KLHL13: variants seen among roughly 807,000 people sequenced by gnomAD.
The protein encoded by KLHL13 is kelch-like protein 13.
A neutral mutation model predicts 37.1 loss-of-function variants in KLHL13; 10 were observed. That is an observed-to-expected ratio of 0.27 (90% CI 0.17 to 0.46). The LOEUF (loss-of-function observed/expected upper bound fraction) is 0.46. Among genes scored for constraint, KLHL13 ranks in the 20% least tolerant of loss-of-function variants. The pLI, the probability that KLHL13 is intolerant of heterozygous loss-of-function variation, is 1.00. For synonymous variants in KLHL13, 163 were observed against 181.2 expected (o/e 0.90, Z 0.81); for missense variants, 360 against 509.3 (o/e 0.71, Z 2.82).
intron 1 of KLHL13, among the ~76,000 whole-genome samples, chrX:117,992,234 T>TAAAAAAAAAAAAAAAAAAAA (rs773486522): frequency 1.2e-5 from 1 of 84,007 alleles, no homozygotes; most frequent in African/African-American, 4.6e-5. Context: ...AACTGAGATG[T>TAAAAAAAAAAAAAAAAAAAA]AAAAAAAAAA....
chrX:118,100,853 A>T lies in KLHL13; in HGVS notation c.-56+15655T>A, dbSNP rs1363532541. Among the ~76,000 whole-genome samples the T allele has an allele frequency of 2.7e-5, 3 of 111,757 alleles. No individual in the cohort carries two copies. The South Asian group carries it at 1.1e-3, about 42-fold the overall frequency. On this transcript the variant is annotated intron_variant, in intron 1 of 6. Transcript: ENST00000371882. ...ATATCAAAATCCTACCCAGTGACCA[A>T]GGCTCACTGCAAAGCCAAGATCCTT...
At chrX:118,097,599 C>A (rs773427063) in intron 1 of KLHL13, among the ~76,000 whole-genome samples, 1 of 111,291 alleles carries the variant, frequency 9.0e-6, no homozygotes, top group East Asian at 2.8e-4. Context: ...CATATGGAAC[C>A]AAAAAAGAGC....
chrX:118,102,137 T>C (rs2055296396), intron 1 of KLHL13, among the ~76,000 whole-genome samples: 1 of 111,571 alleles, frequency 9.0e-6, no homozygotes, highest in Non-Finnish European at 1.9e-5. Context: ...TGGACTTGTA[T>C]ACTCTGCTGA....
chrX:117,927,046 T>C (rs1220291574), intron 2 of KLHL13, among the ~76,000 whole-genome samples: 3 of 107,726 alleles, frequency 2.8e-5, no homozygotes, highest in South Asian at 4.2e-4. Flanking sequence ...GCTGGGACTA[T>C]AGGCGCATGC....
chrX:118,082,955 A>G (rs1283148084), intron 1 of KLHL13, among the ~76,000 whole-genome samples: 1 of 111,591 alleles, frequency 9.0e-6, no homozygotes, highest in Non-Finnish European at 1.9e-5. Context: ...CTAGTGGTCT[A>G]TGTGTCTGTT....
intron 1 of KLHL13, among the ~76,000 whole-genome samples, chrX:118,080,347 G>A (rs2054977080): frequency 9.0e-6 from 1 of 111,313 alleles, no homozygotes; most frequent in Admixed American, 9.6e-5. Context: ...CAGAATGGGA[G>A]AAAATACTTG....
chrX:117,922,817 A>G (rs1931795035), intron 2 of KLHL13, among the ~76,000 whole-genome samples: 1 of 112,150 alleles, frequency 8.9e-6, no homozygotes. Context: ...TATAAGTTAA[A>G]AACTTAAAGG....
At position 118,095,623 on chromosome X, in the gene KLHL13, T is replaced by C. The variant is rs757354583; in HGVS notation, c.-56+20885A>G. On this transcript the variant is annotated intron_variant, in intron 1 of 6. Coordinates refer to the KLHL13 transcript ENST00000371882. Reference sequence around the variant, plus strand: ...GCACCACACCACACCTATTCCAAAATTGACCACATAGTTGGAAGTAAAGCT... The same window carrying C: ...GCACCACACCACACCTATTCCAAAACTGACCACATAGTTGGAAGTAAAGCT... Among the ~76,000 whole-genome samples the C allele has an allele frequency of 1.3e-4, 15 of 111,515 alleles. 1 individual carries two copies. The highest frequency in any genetic ancestry group is 4.6e-4 in the African/African-American group (14 of 30,645).
intron 1 of KLHL13, among the ~76,000 whole-genome samples, chrX:118,006,410 G>T (rs1456498486): frequency 9.1e-6 from 1 of 110,426 alleles, no homozygotes; most frequent in African/African-American, 3.3e-5. Context: ...GGGTACTCAT[G>T]TCTTGGCCCT....
chrX:117,951,386 C>T (rs1300983516), intron 1 of KLHL13, among the ~76,000 whole-genome samples: 2 of 111,484 alleles, frequency 1.8e-5, no homozygotes, highest in Non-Finnish European at 1.9e-5. Flanking sequence ...TTTTCAAATA[C>T]CAACAAGAGT....
rs1448050388 is a variant in KLHL13, at chrX:118,012,292, AC to A, written c.-55-66718del. 7.1e-5 allele frequency among the ~76,000 whole-genome samples: 8 copies of A among 111,933 alleles called. 1 individual carries two copies. Among genetic ancestry groups the A allele is most frequent in the Admixed American group, 2.8e-4 (3 of 10,532 alleles). ...TGATCACAAATGGTGGCTTTAAACA[AC>A]CCTAGTTGATGATCTTACAGCTCTG... On this transcript the variant is annotated intron_variant, in intron 1 of 6. Coordinates refer to the KLHL13 transcript ENST00000371882.
intron 1 of KLHL13, among the ~76,000 whole-genome samples, chrX:118,092,829 C>A (rs1351345536): frequency 9.0e-6 from 1 of 111,731 alleles, no homozygotes; most frequent in African/African-American, 3.2e-5. Flanking sequence ...ACTACAGTTA[C>A]ATAAGATGTA....
intron 1 of KLHL13, among the ~76,000 whole-genome samples, chrX:118,004,174 C>A (rs2053955747): frequency 9.0e-6 from 1 of 111,391 alleles, no homozygotes; most frequent in African/African-American, 3.3e-5. Flanking sequence ...AGAATGAACT[C>A]TATGGTATTG....
At chrX:118,112,497 C>T (rs1407603208) in intron 1 of KLHL13, among the ~76,000 whole-genome samples, 1 of 111,686 alleles carries the variant, frequency 9.0e-6, no homozygotes, top group Non-Finnish European at 1.9e-5. Context: ...AAAAGAAAGG[C>T]ATGGCATCCA....
At chrX:118,031,563 T>C (rs1187396245) in intron 1 of KLHL13, among the ~76,000 whole-genome samples, 5 of 90,212 alleles carry the variant, frequency 5.5e-5, no homozygotes, top group Admixed American at 2.5e-4. Flanking sequence ...TATTTAGTTA[T>C]ATATATATTA....
chrX:117,972,211 G>A (rs948026403), intron 1 of KLHL13, among the ~76,000 whole-genome samples: 4 of 111,775 alleles, frequency 3.6e-5, no homozygotes, highest in Non-Finnish European at 7.5e-5. Context: ...ATAAAACTGA[G>A]AAAGATGTAC....
intron 1 of KLHL13, among the ~76,000 whole-genome samples, chrX:118,060,979 T>C (rs1161947002): frequency 9.0e-6 from 1 of 110,587 alleles, no homozygotes; most frequent in Non-Finnish European, 1.9e-5. Context: ...CCAGTTACAT[T>C]GAATTAGAGT....
chrX:118,087,062 A>G (rs1470749486), intron 1 of KLHL13, among the ~76,000 whole-genome samples: 2 of 111,846 alleles, frequency 1.8e-5, no homozygotes, highest in South Asian at 3.7e-4. Flanking sequence ...CTTATTGAAA[A>G]TGAGAAAAAT....
rs960355594 is a variant in KLHL13, at chrX:117,941,096, T to G, written c.240+4338A>C. 2.8e-4 allele frequency among the ~76,000 whole-genome samples: 31 copies of G among 111,609 alleles called. 1 individual carries two copies. The highest frequency in any genetic ancestry group is 8.6e-4 in the Admixed American group (9 of 10,482). ...GCTGTGGGTTTGTCATAAATAACAC[T>G]TATTATTTTGAGATACTTTACATCA... is the stretch of plus-strand genomic sequence containing the variant. On this transcript the variant is annotated intron_variant, in intron 2 of 6. Coordinates refer to ENST00000262820, the Ensembl canonical transcript of KLHL13.
Sources: allele counts gnomAD v4.1 joint callset (sites outside exome capture counted in the v4.1 genomes callset), GRCh38; gene constraint gnomAD v4.1.1; transcripts MANE v1.5; gene names NCBI Gene and HGNC (gene_info 2026-07-23, HGNC 2026-07-21).